The following GRIA1 variants were observed in gnomAD, a reference collection of about 807,000 sequenced individuals.
GRIA1 encodes the protein glutamate ionotropic receptor AMPA type subunit 1, also known as glutamate receptor 1.
GRIA1 carries 31 observed loss-of-function variants against 99.2 expected under a neutral mutation model. The ratio of observed to expected loss-of-function variants is 0.31; its 90% CI spans 0.23 to 0.42. The LOEUF (loss-of-function observed/expected upper bound fraction) is 0.42. Among genes scored for constraint, GRIA1 ranks in the 10% least tolerant of loss-of-function variants. The pLI is 1.00. For synonymous variants in GRIA1, 438 were observed against 432.4 expected (o/e 1.01, Z -0.16); for missense variants, 782 against 1,157.5 (o/e 0.68, Z 4.71).
intron 2 of GRIA1, among the ~76,000 whole-genome samples, chr5:153,544,727 C>T (rs1368550607): frequency 2.6e-5 from 4 of 151,798 alleles, no homozygotes; most frequent in Admixed American, 6.6e-5. Context: ...AGGGAAAAGC[C>T]GAGAGGAAAA....
intron 2 of GRIA1, among the ~76,000 whole-genome samples, chr5:153,578,998 C>T: frequency 6.7e-6 from 1 of 148,632 alleles, no homozygotes; most frequent in Admixed American, 6.9e-5. Context: ...AAGGATTAAA[C>T]TACTGATTGT....
intron 4 of GRIA1, among the ~76,000 whole-genome samples, 197 bp from the exon 5 acceptor site, chr5:153,655,622 C>T (rs41290595): frequency 0.042 from 6,385 of 152,196 alleles, 152 homozygotes; most frequent in Middle Eastern, 0.085. Context: ...ATATAATAGG[C>T]AGTCCATGCC....
At chr5:153,646,126 C>A (rs1020435846) in intron 2 of GRIA1, among the ~76,000 whole-genome samples, 2 of 152,310 alleles carry the variant, frequency 1.3e-5, no homozygotes, top group South Asian at 4.1e-4. Context: ...CAACCACAAA[C>A]CAGGATTGGC....
At chr5:153,740,494 A>C (rs902252774) in intron 11 of GRIA1, among the ~76,000 whole-genome samples, 1 of 152,230 alleles carries the variant, frequency 6.6e-6, no homozygotes, top group African/African-American at 2.4e-5. Flanking sequence ...GTTGAGTCCA[A>C]GTTCTAATCC....
At chr5:153,595,900 A>C (rs1267457849) in intron 2 of GRIA1, among the ~76,000 whole-genome samples, 2 of 151,976 alleles carry the variant, frequency 1.3e-5, no homozygotes, top group African/African-American at 4.8e-5. Flanking sequence ...TGGCTAACTT[A>C]GTGCTTTTAA....
chr5:153,682,145 C>T (rs544654027), intron 7 of GRIA1, among the ~76,000 whole-genome samples: 5 of 152,078 alleles, frequency 3.3e-5, no homozygotes, highest in African/African-American at 1.2e-4. Context: ...GAAAGTGAAG[C>T]TTAGGAGGGT....
At chr5:153,541,755 C>A (rs1320392775) in intron 2 of GRIA1, among the ~76,000 whole-genome samples, 2 of 151,892 alleles carry the variant, frequency 1.3e-5, no homozygotes, top group African/African-American at 4.8e-5. Context: ...CATAGTGAAA[C>A]CCCATCTCTA....
chr5:153,709,314 A>G (rs1759143296), intron 11 of GRIA1, among the ~76,000 whole-genome samples: 1 of 152,218 alleles, frequency 6.6e-6, no homozygotes, highest in Non-Finnish European at 1.5e-5. Context: ...CTTGCTGCTT[A>G]TTTAAAGAAA....
At chr5:153,666,274 G>A (rs563977355) in intron 5 of GRIA1, among the ~76,000 whole-genome samples, 23 of 152,294 alleles carry the variant, frequency 1.5e-4, no homozygotes, top group Non-Finnish European at 2.6e-4. Context: ...GGGGGCCAAC[G>A]TCCCTGCCCT....
chr5:153,754,177 G>A (rs1762671956), intron 11 of GRIA1, among the ~76,000 whole-genome samples: 1 of 152,186 alleles, frequency 6.6e-6, no homozygotes, highest in Non-Finnish European at 1.5e-5. Context: ...CGTTTAGTAT[G>A]GAGCTGGGAA....
chr5:153,521,303 A>G (rs1757123303), intron 2 of GRIA1, among the ~76,000 whole-genome samples: 1 of 152,246 alleles, frequency 6.6e-6, no homozygotes. Context: ...AACACATGCC[A>G]TAAACAGAAG....
chr5:153,702,509 C>T (rs1483243570), intron 10 of GRIA1, among the ~76,000 whole-genome samples: 3 of 152,234 alleles, frequency 2.0e-5, no homozygotes, highest in African/African-American at 7.2e-5. Context: ...GTTTTATTCA[C>T]TTTATGCTTT....
intron 2 of GRIA1, among the ~76,000 whole-genome samples, chr5:153,542,342 A>G (rs1281966339): frequency 1.3e-5 from 2 of 152,044 alleles, no homozygotes; most frequent in Non-Finnish European, 2.9e-5. Flanking sequence ...TTTTCCTGTT[A>G]ATTACTGAGC....
At chr5:153,512,147 A>G (rs1202324318) in intron 2 of GRIA1, among the ~76,000 whole-genome samples, 1 of 152,204 alleles carries the variant, frequency 6.6e-6, no homozygotes, top group Non-Finnish European at 1.5e-5. Context: ...AGGTGACAAG[A>G]TAAGAGGAGG....
intron 11 of GRIA1, among the ~76,000 whole-genome samples, chr5:153,734,368 A>G (rs1437476283): frequency 6.6e-6 from 1 of 152,178 alleles, no homozygotes; most frequent in Non-Finnish European, 1.5e-5. Flanking sequence ...TTTTGGAACT[A>G]CTGAATAAAA....
At chr5:153,590,531 TGTGTGTGTGTG>T (rs1763878302) in intron 2 of GRIA1, among the ~76,000 whole-genome samples, 1 of 132,406 alleles carries the variant, frequency 7.6e-6, no homozygotes, top group Non-Finnish European at 1.6e-5. Flanking sequence ...TGTGTGTGTG[TGTGTGTGTGTG>T]TGTGTGTGTG....
chr5:153,689,919 G>T (rs769608849), intron 8 of GRIA1, among the ~76,000 whole-genome samples: 1 of 152,160 alleles, frequency 6.6e-6, no homozygotes, highest in Non-Finnish European at 1.5e-5. Context: ...CCTTTGAGTT[G>T]ACCCTAACTA....
intron 2 of GRIA1, among the ~76,000 whole-genome samples, chr5:153,527,135 G>A (rs1034241820): frequency 6.6e-6 from 1 of 152,092 alleles, no homozygotes; most frequent in Admixed American, 6.6e-5. Flanking sequence ...ATAATCTTGA[G>A]AACACAATCC....
intron 2 of GRIA1, among the ~76,000 whole-genome samples, chr5:153,547,310 A>G (rs938879075): frequency 6.6e-6 from 1 of 152,124 alleles, no homozygotes; most frequent in Non-Finnish European, 1.5e-5. Flanking sequence ...CTCAATGTCT[A>G]GGCTTTGAGA....
Sources: allele counts gnomAD v4.1 joint callset (sites outside exome capture counted in the v4.1 genomes callset), GRCh38; gene constraint gnomAD v4.1.1; transcripts MANE v1.5; gene names NCBI Gene and HGNC (gene_info 2026-07-23, HGNC 2026-07-21).